The following BARD1 variants were observed in gnomAD, a reference collection of about 807,000 sequenced individuals.
BARD1 encodes the protein BRCA1 associated RING domain 1, also known as BRCA1-associated RING domain protein 1.
A neutral mutation model predicts 77.0 loss-of-function variants in BARD1; 73 were observed. That is an observed-to-expected ratio of 0.95 (90% confidence interval 0.79 to 1.15). The LOEUF is 1.15. Among genes scored for constraint, BARD1 ranks in the 50% most tolerant of loss-of-function variants. The pLI is 0.00. For missense variants in BARD1, 993 were observed against 938.8 expected, an observed-to-expected ratio of 1.06 and a Z score of -0.75; for synonymous variants, 384 against 338.0, an observed-to-expected ratio of 1.14 and a Z score of -1.49.
At chr2:214,766,277 A>C (rs1694190554) in intron 6 of BARD1, among the ~76,000 whole-genome samples, 1 of 152,224 alleles carries the variant, frequency 6.6e-6, no homozygotes, top group Non-Finnish European at 1.5e-5. Context: ...CCTCATGTGA[A>C]TGATGTAAAA....
chr2:214,781,849 AT>A (rs1477479719), intron 3 of BARD1, among the ~76,000 whole-genome samples: 1 of 152,208 alleles, frequency 6.6e-6, no homozygotes, highest in Non-Finnish European at 1.5e-5. Flanking sequence ...TTATTAAAGA[AT>A]TCTACACAAA....
At chr2:214,808,440 C>T (rs1386415081) in intron 1 of BARD1, among the ~76,000 whole-genome samples, 2 of 152,072 alleles carry the variant, frequency 1.3e-5, no homozygotes, top group Non-Finnish European at 2.9e-5. Context: ...AGTTGTGTTA[C>T]TTATACTTTA....
At chr2:214,801,146 T>C (rs77451633) in intron 1 of BARD1, among the ~76,000 whole-genome samples, 9,959 of 152,318 alleles carry the variant, frequency 0.065, 470 homozygotes, top group Non-Finnish European at 0.093. Context: ...ACTACGTTCA[T>C]GTATAACTTT....
At chr2:214,802,335 A>G (rs546414120) in intron 1 of BARD1, among the ~76,000 whole-genome samples, 18 of 152,282 alleles carry the variant, frequency 1.2e-4, no homozygotes, top group African/African-American at 3.9e-4. Context: ...ATTTAACCCA[A>G]CTGGGCTAAT....
At chr2:214,768,721 C>T (rs547759708) in intron 5 of BARD1, among the ~76,000 whole-genome samples, 4 of 152,212 alleles carry the variant, frequency 2.6e-5, no homozygotes, top group Non-Finnish European at 4.4e-5. Context: ...TTATGCTTCA[C>T]ACTTTTTTAG....
At chr2:214,798,069 C>T (rs1479577651) in intron 1 of BARD1, among the ~76,000 whole-genome samples, 1 of 152,054 alleles carries the variant, frequency 6.6e-6, no homozygotes, top group African/African-American at 2.4e-5. Flanking sequence ...TAGATATTTA[C>T]ACCATTATTA....
chr2:214,770,961 C>T (rs1034801998), intron 4 of BARD1, among the ~76,000 whole-genome samples: 4 of 152,144 alleles, frequency 2.6e-5, no homozygotes, highest in Admixed American at 1.3e-4. Context: ...TTACATATTA[C>T]GTTTTAAGTA....
intron 6 of BARD1, among the ~76,000 whole-genome samples, chr2:214,758,276 A>G (rs1488123971): frequency 1.3e-5 from 2 of 152,178 alleles, no homozygotes; most frequent in Non-Finnish European, 2.9e-5. Context: ...ATAAGATGGA[A>G]ATAATAACAC....
At chr2:214,800,302 G>A (rs1416814793) in intron 1 of BARD1, among the ~76,000 whole-genome samples, 4 of 152,190 alleles carry the variant, frequency 2.6e-5, no homozygotes, top group Non-Finnish European at 5.9e-5. Context: ...GAAAGATAAT[G>A]GAAATGTGAA....
intron 2 of BARD1, chr2:214,796,680 T>C (rs2734673): frequency 1 from 203,578 of 203,598 alleles, 101,779 homozygotes; most frequent in East Asian, 1. Flanking sequence ...TGGTTCTTTG[T>C]TATGGCAGCC....
At chr2:214,773,637 A>T (rs560084230) in intron 4 of BARD1, among the ~76,000 whole-genome samples, 8 of 35,882 alleles carry the variant, frequency 2.2e-4, no homozygotes, top group South Asian at 7.8e-4. Context: ...TATGTTTTTT[A>T]AAAAAAATGA....
At chr2:214,732,087 T>C (rs772474941) in intron 9 of BARD1, among the ~76,000 whole-genome samples, 6 of 152,230 alleles carry the variant, frequency 3.9e-5, no homozygotes, top group Non-Finnish European at 7.3e-5. Flanking sequence ...ATACTTTATA[T>C]TGAGGATTAG....
intron 6 of BARD1, among the ~76,000 whole-genome samples, chr2:214,764,241 A>G (rs558011007): frequency 4.1e-4 from 63 of 152,180 alleles, no homozygotes; most frequent in African/African-American, 5.8e-4. Context: ...CTCTACAAAC[A>G]AATGTGGATA....
intron 9 of BARD1, among the ~76,000 whole-genome samples, chr2:214,736,237 C>G (rs988797388): frequency 1.3e-5 from 2 of 151,848 alleles, no homozygotes; most frequent in Non-Finnish European, 2.9e-5. Context: ...GGTCAAAATA[C>G]CATACTAGAA....
At chr2:214,769,125 C>A in intron 5 of BARD1, 107 bp downstream of exon 5, 1 of 913,320 alleles carries the variant, frequency 1.1e-6, no homozygotes, top group Non-Finnish European at 1.7e-6. Flanking sequence ...GTTCTTCAGA[C>A]TAAAAAGAGT....
chr2:214,807,862 T>G (rs1272799044), intron 1 of BARD1, among the ~76,000 whole-genome samples: 1 of 152,182 alleles, frequency 6.6e-6, no homozygotes, highest in African/African-American at 2.4e-5. Flanking sequence ...ATGTCTAACT[T>G]TCGTTGGACT....
Position 214,745,084 on chromosome 2 carries a change from C to A in BARD1, c.1886G>T (p.Trp629Leu), listed in dbSNP as rs747446711. 5 of 1,613,784 alleles carry A rather than the reference C, an allele frequency of 3.1e-6. No individual in the cohort carries two copies. Among genetic ancestry groups the A allele is most frequent in the Non-Finnish European group, 4.2e-6 (5 of 1,179,796 alleles). Residue 629 changes from tryptophan to leucine, a missense_variant, in exon 9 of 11, where the codon TGG becomes TTG. Physicochemically the swap from Trp to Leu is moderately conservative, Grantham distance 61. Transcript: ENST00000260947. ...ACACTTACATTCAAATTTTAGAATC[C>A]AGCATCCATTGAGAATCCCAAGCAT... ...KCMLGILNGC[W>L]ILKFEWVKAC... is the part of the protein sequence containing the mutation.
chr2:214,801,140 C>T (rs974854222), intron 1 of BARD1, among the ~76,000 whole-genome samples: 9 of 152,284 alleles, frequency 5.9e-5, no homozygotes, highest in Admixed American at 5.9e-4. Flanking sequence ...CTGTCAACTA[C>T]GTTCATGTAT....
chr2:214,771,339 CCAATA>C (rs1225605982), intron 4 of BARD1, among the ~76,000 whole-genome samples: 11 of 152,236 alleles, frequency 7.2e-5, no homozygotes, highest in Admixed American at 5.9e-4. Flanking sequence ...AACCCCTCTC[CCAATA>C]CTTTTTTCTG....
Sources: gnomAD v4.1 joint callset for allele counts (sites outside exome capture counted in the v4.1 genomes callset) on GRCh38, gnomAD v4.1.1 for gene constraint, MANE v1.5 for transcripts, NCBI Gene and HGNC (gene_info 2026-07-23, HGNC 2026-07-21) for gene names.